LSAMP: variants seen among roughly 807,000 people sequenced by gnomAD.
The protein encoded by LSAMP is limbic system-associated membrane protein.
A neutral mutation model predicts 38.6 loss-of-function variants in LSAMP; 7 were observed. The ratio of observed to expected loss-of-function variants is 0.18; its 90% CI spans 0.10 to 0.34. The LOEUF (loss-of-function observed/expected upper bound fraction) is 0.34, where lower values mean the gene tolerates loss of function less well. LSAMP is among the 10% of genes least tolerant of loss of function. The pLI, the probability that LSAMP is intolerant of heterozygous loss-of-function variation, is 1.00. For missense variants in LSAMP, 313 were observed against 420.0 expected (o/e 0.75, Z 2.23); for synonymous variants, 154 against 166.8 (o/e 0.92, Z 0.59).
At chr3:116,344,564 T>A (rs999184691) in intron 1 of LSAMP, among the ~76,000 whole-genome samples, 5 of 152,058 alleles carry the variant, frequency 3.3e-5, no homozygotes, top group African/African-American at 1.2e-4. Flanking sequence ...GCTCTTCCAC[T>A]CTACCTCCTT....
intron 1 of LSAMP, among the ~76,000 whole-genome samples, chr3:116,302,833 A>T (rs2047431208): frequency 6.6e-6 from 1 of 152,210 alleles, no homozygotes; most frequent in Non-Finnish European, 1.5e-5. Context: ...GTGAAAGCTG[A>T]CATTTTAGTA....
chr3:116,073,659 A>C (rs1022573823), intron 2 of LSAMP, among the ~76,000 whole-genome samples: 4 of 152,144 alleles, frequency 2.6e-5, no homozygotes, highest in African/African-American at 9.7e-5. Flanking sequence ...TGACTTTTGC[A>C]TATCAATTTT....
intron 1 of LSAMP, among the ~76,000 whole-genome samples, chr3:116,418,485 T>C (rs2049079476): frequency 6.8e-6 from 1 of 146,074 alleles, no homozygotes; most frequent in Admixed American, 6.6e-5. Flanking sequence ...ATTATATTTC[T>C]CATGTTTTTT....
At chr3:116,111,197 C>T (rs1167283189) in intron 1 of LSAMP, among the ~76,000 whole-genome samples, 4 of 152,138 alleles carry the variant, frequency 2.6e-5, no homozygotes, top group Non-Finnish European at 5.9e-5. Flanking sequence ...ACAGGGGATG[C>T]GATGGCTTGG....
At position 115,802,511 on chromosome 3, in the gene LSAMP, T is replaced by C. The variant is rs1269277201; in HGVS notation, c.*7806A>G. The C allele has an allele frequency of 6.9e-6, 1 of 144,488 alleles. No homozygotes were observed. Among genetic ancestry groups the C allele is most frequent in the Non-Finnish European group, 1.5e-5 (1 of 66,788 alleles). 9.0% of individuals were successfully genotyped at this position (144,488 alleles called of 1,614,324 possible). Reference sequence around the variant, plus strand: ...AAAAAGAAAAGAAAAAAAGCTTTTTTTCATTTTAATTTTAATTTTTTTTTT... The same window carrying C: ...AAAAAGAAAAGAAAAAAAGCTTTTTCTCATTTTAATTTTAATTTTTTTTTT... On this transcript the variant is annotated 3_prime_UTR_variant, in exon 7 of 7. Coordinates refer to ENST00000490035, the MANE Select transcript of LSAMP (RefSeq NM_002338.5).
At chr3:115,953,401 GCGTACA>G (rs1938353577) in intron 3 of LSAMP, among the ~76,000 whole-genome samples, 1 of 65,574 alleles carries the variant, frequency 1.5e-5, no homozygotes, top group African/African-American at 5.2e-5. Flanking sequence ...AATGTAGTGT[GCGTACA>G]CACACACACA....
chr3:116,061,626 C>T (rs1941596368), intron 2 of LSAMP, among the ~76,000 whole-genome samples: 2 of 152,224 alleles, frequency 1.3e-5, no homozygotes, highest in Admixed American at 6.5e-5. Context: ...TATTCTCCTT[C>T]CTTCCTTTTC....
intron 1 of LSAMP, among the ~76,000 whole-genome samples, chr3:116,392,444 C>T (rs2048715831): frequency 6.6e-6 from 1 of 152,212 alleles, no homozygotes; most frequent in South Asian, 2.1e-4. Context: ...GGTGCACACA[C>T]TCACGGCAAC....
chr3:115,966,650 T>G (rs1252000919), intron 3 of LSAMP, among the ~76,000 whole-genome samples: 1 of 152,194 alleles, frequency 6.6e-6, no homozygotes, highest in East Asian at 1.9e-4. Flanking sequence ...ATAGTTAATT[T>G]CATTATGTTT....
At chr3:116,172,461 G>T (rs1710225353) in intron 1 of LSAMP, among the ~76,000 whole-genome samples, 5 of 151,734 alleles carry the variant, frequency 3.3e-5, no homozygotes, top group Middle Eastern at 3.4e-3. Context: ...ATAAATATCT[G>T]GAATTTGTTA....
intron 1 of LSAMP, among the ~76,000 whole-genome samples, chr3:116,331,546 T>C (rs548545765): frequency 6.6e-6 from 1 of 152,216 alleles, no homozygotes; most frequent in South Asian, 2.1e-4. Flanking sequence ...TAAAAGCAGA[T>C]TCACATCAGA....
intron 1 of LSAMP, among the ~76,000 whole-genome samples, chr3:116,142,431 T>C (rs1371754331): frequency 1.3e-5 from 2 of 152,006 alleles, no homozygotes; most frequent in African/African-American, 4.8e-5. Context: ...CCTAACTAAG[T>C]GACCATCCAG....
At chr3:115,896,949 G>A (rs892729784) in intron 3 of LSAMP, among the ~76,000 whole-genome samples, 7 of 152,112 alleles carry the variant, frequency 4.6e-5, no homozygotes, top group Non-Finnish European at 7.4e-5. Context: ...CACATTCTGA[G>A]CAAGGCCTGC....
At chr3:116,167,018 C>T (rs1358736203) in intron 1 of LSAMP, among the ~76,000 whole-genome samples, 1 of 152,036 alleles carries the variant, frequency 6.6e-6, no homozygotes, top group South Asian at 2.1e-4. Context: ...GTCTTGATCT[C>T]CTGACCTCGT....
intron 3 of LSAMP, among the ~76,000 whole-genome samples, chr3:115,906,654 A>G (rs995751570): frequency 3.3e-5 from 5 of 152,142 alleles, no homozygotes; most frequent in African/African-American, 1.2e-4. Flanking sequence ...GTAAAGTAAA[A>G]CTAATAGTTT....
chr3:115,858,167 C>CACACACACACACACACGCAA (rs1332402730), intron 3 of LSAMP, among the ~76,000 whole-genome samples: 2 of 149,030 alleles, frequency 1.3e-5, no homozygotes, highest in East Asian at 2.0e-4. Context: ...CTCTCTCTCA[C>CACACACACACACACACGCAA]ACACACACAC....
At chr3:116,279,177 G>A (rs1213279711) in intron 1 of LSAMP, among the ~76,000 whole-genome samples, 1 of 152,146 alleles carries the variant, frequency 6.6e-6, no homozygotes, top group African/African-American at 2.4e-5. Flanking sequence ...GAGGGACAGA[G>A]GGAGCCCTGA....
In LSAMP at chr3:115,804,327, G is replaced by C. The variant is rs563718656; in HGVS notation, c.*5990C>G. ...AAGGTTAGAGTTGAAAGAGATTTTAGAGACGTCAGCCGAATCCCTCACTTT... is the reference window on the plus strand; with the variant it reads ...AAGGTTAGAGTTGAAAGAGATTTTACAGACGTCAGCCGAATCCCTCACTTT... On this transcript the variant is annotated 3_prime_UTR_variant, in exon 7 of 7. Coordinates refer to ENST00000490035, the MANE Select transcript of LSAMP (RefSeq NM_002338.5). 1 of 152,310 alleles carries C rather than the reference G, an allele frequency of 6.6e-6. No homozygotes were observed. Among genetic ancestry groups the C allele is most frequent in the Admixed American group, 6.5e-5 (1 of 15,308 alleles). The allele number at this position is 152,310 out of a possible 1,614,324, so 9.4% of individuals were successfully genotyped here. A position where few individuals can be genotyped will look rare whatever the true frequency, so the allele number is the denominator to read the frequency against.
At chr3:115,980,045 G>A (rs1029633405) in intron 3 of LSAMP, among the ~76,000 whole-genome samples, 2 of 151,944 alleles carry the variant, frequency 1.3e-5, no homozygotes, top group Non-Finnish European at 2.9e-5. Context: ...ATTAGTACAT[G>A]CAATTCACTG....
Sources: gnomAD v4.1 joint callset for allele counts (sites outside exome capture counted in the v4.1 genomes callset) on GRCh38, gnomAD v4.1.1 for gene constraint, MANE v1.5 for transcripts, NCBI Gene and HGNC (gene_info 2026-07-23, HGNC 2026-07-21) for gene names.